SND1: variants seen among roughly 807,000 people sequenced by gnomAD.
The protein encoded by SND1 is staphylococcal nuclease domain-containing protein 1.
In SND1, 38 loss-of-function variants were observed where a neutral mutation model predicts 121.7. That is an observed-to-expected ratio of 0.31 (90% confidence interval 0.24 to 0.41). SND1 has a LOEUF of 0.41. Among genes scored for constraint, SND1 ranks in the 10% least tolerant of loss-of-function variants. The pLI, the probability that SND1 is intolerant of heterozygous loss-of-function variation, is 1.00. For synonymous variants in SND1, 401 were observed against 447.4 expected, an observed-to-expected ratio of 0.90 and a Z score of 1.31; for missense variants, 868 against 1,184.6, an observed-to-expected ratio of 0.73 and a Z score of 3.92.
At chr7:127,852,353 G>A (rs1432015132) in intron 12 of SND1, among the ~76,000 whole-genome samples, 1 of 150,890 alleles carries the variant, frequency 6.6e-6, no homozygotes, top group South Asian at 2.1e-4. Context: ...AATTAGCAGG[G>A]TGTGGGCACC....
At chr7:127,971,475 T>C (rs1382818358) in intron 15 of SND1, among the ~76,000 whole-genome samples, 1 of 152,218 alleles carries the variant, frequency 6.6e-6, no homozygotes, top group African/African-American at 2.4e-5. Flanking sequence ...TTGTACCACA[T>C]AGATCAGTTG....
intron 14 of SND1, among the ~76,000 whole-genome samples, chr7:127,921,482 GATTA>G (rs1800704456): frequency 1.3e-5 from 2 of 152,144 alleles, no homozygotes; most frequent in African/African-American, 4.8e-5. Context: ...ACTACTTACA[GATTA>G]GTTAGGGGAA....
intron 10 of SND1, among the ~76,000 whole-genome samples, chr7:127,758,880 C>T (rs568242153): frequency 2.0e-5 from 3 of 151,936 alleles, no homozygotes; most frequent in African/African-American, 7.3e-5. Flanking sequence ...ATAGGGAAAC[C>T]GTATCTCTAC....
Position 127,837,241 on chromosome 7 carries a change from A to C in SND1, c.1243-7083A>C, listed in dbSNP as rs116850860. On this transcript the variant is annotated intron_variant, in intron 11 of 23. Coordinates refer to ENST00000354725, the MANE Select transcript of SND1 (RefSeq NM_014390.4). The stretch of plus-strand genomic sequence containing the variant: ...CTTAACTGATACTCTAGGAATGCCC[A>C]CTGAGTTTTAAGCATTGCAGTGTGG... 8.7e-3 allele frequency among the ~76,000 whole-genome samples: 1,323 copies of C among 152,346 alleles called. 4 individuals are homozygous for C. Among genetic ancestry groups the C allele is most frequent in the Non-Finnish European group, 0.014 (926 of 68,026 alleles).
chr7:127,723,986 G>A (rs1385808269), intron 10 of SND1, among the ~76,000 whole-genome samples: 1 of 152,106 alleles, frequency 6.6e-6, no homozygotes, highest in East Asian at 1.9e-4. Flanking sequence ...ATTCATCATA[G>A]CATATTTCAA....
chr7:127,755,266 A>G (rs777610312), intron 10 of SND1, among the ~76,000 whole-genome samples: 9 of 152,228 alleles, frequency 5.9e-5, no homozygotes, highest in East Asian at 1.9e-4. Context: ...TCCATAGCCA[A>G]TGGAGTGGCA....
rs12672578 is a variant in SND1, at chr7:127,982,614, C to A, written c.1670-8333C>A. The stretch of plus-strand genomic sequence containing the variant: ...AGAATGCAAAATCTTTGTTTTACTT[C>A]TAAACCTTTTAGTACAAACTGTAGC... On this transcript the variant is annotated intron_variant, in intron 15 of 23. Coordinates refer to ENST00000354725, the MANE Select transcript of SND1 (RefSeq NM_014390.4). Among the ~76,000 whole-genome samples the A allele has an allele frequency of 1.4e-3, 209 of 152,346 alleles. 8 individuals are homozygous for A. In the East Asian group the frequency reaches 0.038, roughly 28 times the overall value.
intron 16 of SND1, among the ~76,000 whole-genome samples, chr7:127,995,983 T>C (rs981620789): frequency 3.9e-5 from 6 of 152,182 alleles, no homozygotes; most frequent in Admixed American, 3.9e-4. Flanking sequence ...GTCCTCATGC[T>C]GGACAGCCCC....
chr7:127,655,772 G>A (rs1046615160), intron 1 of SND1, among the ~76,000 whole-genome samples: 2 of 152,162 alleles, frequency 1.3e-5, no homozygotes, highest in African/African-American at 4.8e-5. Context: ...ACCCCCCTTA[G>A]CTTTGAGATG....
rs568987302 is a variant in SND1, at chr7:127,939,022, G to T, written c.1669+9693G>T. 2.6e-5 allele frequency among the ~76,000 whole-genome samples: 4 copies of T among 152,282 alleles called. No individual in the cohort carries two copies. The South Asian group carries it at 8.3e-4, about 32-fold the overall frequency. On this transcript the variant is annotated intron_variant, in intron 15 of 23. Transcript: ENST00000354725. ...ACATGAAGAAAAAAATATTTTAAAAGCATAAGGGTAAGCAAAACATGGCTT... is the reference window on the plus strand; with the variant it reads ...ACATGAAGAAAAAAATATTTTAAAATCATAAGGGTAAGCAAAACATGGCTT...
At chr7:127,846,401 T>A (rs2116651240) in intron 12 of SND1, among the ~76,000 whole-genome samples, 1 of 152,164 alleles carries the variant, frequency 6.6e-6, no homozygotes, top group East Asian at 1.9e-4. Flanking sequence ...CATTATGAGT[T>A]TCTTCATAGG....
At chr7:128,023,048 C>G (rs946836245) in intron 16 of SND1, among the ~76,000 whole-genome samples, 10 of 152,308 alleles carry the variant, frequency 6.6e-5, no homozygotes, top group African/African-American at 2.4e-4. Context: ...GAATTTCGCA[C>G]TAACAGTCCT....
At chr7:127,689,300 T>C (rs1795872506) in intron 2 of SND1, among the ~76,000 whole-genome samples, 1 of 152,202 alleles carries the variant, frequency 6.6e-6, no homozygotes, top group Non-Finnish European at 1.5e-5. Flanking sequence ...TTTTTCACAT[T>C]TTGGGCATTA....
At chr7:127,910,773 C>T (rs963141241) in intron 14 of SND1, among the ~76,000 whole-genome samples, 1 of 152,170 alleles carries the variant, frequency 6.6e-6, no homozygotes, top group Non-Finnish European at 1.5e-5. Context: ...CATGTTCTCA[C>T]GTCTCTCTTG....
Position 127,778,219 on chromosome 7 carries a change from G to A in SND1, c.1153-29265G>A, listed in dbSNP as rs112799590. On this transcript the variant is annotated intron_variant, in intron 10 of 23. Coordinates refer to ENST00000354725, the MANE Select transcript of SND1 (RefSeq NM_014390.4). ...TTTATTTATTTATTTATTTTGAGAC[G>A]GAGTCTCGCTCTGTCGCCAGGCTGG... is the stretch of plus-strand genomic sequence containing the variant. Among the ~76,000 whole-genome samples, 495 of 116,212 alleles carry A rather than the reference G, an allele frequency of 4.3e-3. 2 individuals carry two copies. Among genetic ancestry groups the A allele is most frequent in the African/African-American group, 0.019 (436 of 23,440 alleles). 76.2% of individuals were successfully genotyped at this position (116,212 alleles called of 152,430 possible). A position where few individuals can be genotyped will look rare whatever the true frequency, so the allele number is the denominator to read the frequency against.
chr7:127,952,616 C>T (rs976750592), intron 15 of SND1, among the ~76,000 whole-genome samples: 6 of 152,132 alleles, frequency 3.9e-5, no homozygotes, highest in African/African-American at 1.2e-4. Context: ...CAGCTGTGTT[C>T]GATTTTATGG....
At chr7:128,082,350 G>A (rs1305227107) in intron 18 of SND1, among the ~76,000 whole-genome samples, 1 of 152,226 alleles carries the variant, frequency 6.6e-6, no homozygotes, top group Non-Finnish European at 1.5e-5. Flanking sequence ...AGCAGCACTT[G>A]GGCAGTCCCC....
rs1800301866 is a variant in SND1, at chr7:127,904,785, A to T, written c.1493A>T (p.Glu498Val). The T allele has an allele frequency of 6.2e-7, 1 of 1,612,240 alleles. No homozygotes were observed. Among genetic ancestry groups the T allele is most frequent in the African/African-American group, 1.3e-5 (1 of 75,010 alleles). The stretch of plus-strand genomic sequence containing the variant: ...GGCAAAGGATTGCATAGCAAGAAGG[A>T]AGTGCCTATCCACCGTGTTGCAGAT... ...KNGKGLHSKK[E>V]VPIHRVADIS... Residue 498 changes from glutamate (E) to valine (V), a missense_variant, in exon 14 of 24, where the codon GAA (glutamate) becomes GTA (valine). Physicochemically the swap from Glu to Val is moderately radical, Grantham distance 121. Coordinates refer to ENST00000354725, the MANE Select transcript of SND1 (RefSeq NM_014390.4).
At chr7:127,792,025 A>G (rs1277336044) in intron 10 of SND1, among the ~76,000 whole-genome samples, 2 of 152,222 alleles carry the variant, frequency 1.3e-5, no homozygotes, top group Non-Finnish European at 2.9e-5. Context: ...AGAAAAAATT[A>G]TAGGTTATTT....
Sources: gnomAD v4.1 joint callset for allele counts (sites outside exome capture counted in the v4.1 genomes callset) on GRCh38, gnomAD v4.1.1 for gene constraint, MANE v1.5 for transcripts, NCBI Gene and HGNC (gene_info 2026-07-23, HGNC 2026-07-21) for gene names.